The following CFAP299 variants were observed in gnomAD, a reference collection of about 807,000 sequenced individuals.
CFAP299 encodes cilia- and flagella-associated protein 299.
A neutral mutation model predicts 27.0 loss-of-function variants in CFAP299; 21 were observed. That is an observed-to-expected ratio of 0.78 (90% CI 0.55 to 1.12). The LOEUF (loss-of-function observed/expected upper bound fraction) is 1.12, where lower values mean the gene tolerates loss of function less well. Ranked by LOEUF, CFAP299 falls within the 50% of genes most tolerant of loss-of-function variation. CFAP299 has a pLI of 0.00. For synonymous variants in CFAP299, 104 were observed against 98.1 expected (o/e 1.06, Z -0.36); for missense variants, 310 against 276.6 (o/e 1.12, Z -0.86).
intron 5 of CFAP299, among the ~76,000 whole-genome samples, chr4:80,960,804 A>G (rs946837526): frequency 1.6e-4 from 24 of 151,986 alleles, no homozygotes; most frequent in African/African-American, 5.5e-4. Context: ...TTAAAAGATG[A>G]GCAAAGTTTA....
rs551311909 is a variant in CFAP299 at position 80,390,821 on chromosome 4, A to ATG, written c.242+27939_242+27940dup. Among the ~76,000 whole-genome samples, 210 of 129,892 alleles carry ATG rather than the reference A, an allele frequency of 1.6e-3. 2 individuals carry two copies. Among genetic ancestry groups the ATG allele is most frequent in the East Asian group, 2.9e-3 (8 of 2,772 alleles). The allele number at this position is 129,892 out of a possible 152,430, so 85.2% of individuals were successfully genotyped here. Reference sequence around the variant, plus strand: ...TATGTATATATGTATACACACATATATGTATATGTATATATGTATATACAC... The same window carrying ATG: ...TATGTATATATGTATACACACATATATGTGTATATGTATATATGTATATACAC... On this transcript the variant is annotated intron_variant, in intron 2 of 5. Transcript: ENST00000358105.
intron 3 of CFAP299, among the ~76,000 whole-genome samples, chr4:80,703,355 G>T (rs75353399): frequency 0.074 from 11,183 of 151,596 alleles, 596 homozygotes; most frequent in East Asian, 0.22. Context: ...TTATCGAAAT[G>T]ACACTGATAA....
rs548036142 is a variant in CFAP299, at chr4:80,397,271, T to G, written c.242+34387T>G. 2.6e-5 allele frequency among the ~76,000 whole-genome samples: 4 copies of G among 152,284 alleles called. No individual in the cohort carries two copies. In the South Asian group the frequency reaches 6.2e-4, roughly 24 times the overall value. On this transcript the variant is annotated intron_variant, in intron 2 of 5. Transcript: ENST00000358105. Reference sequence around the variant, plus strand: ...TTGCATGTATTTGATTCTTCTCTCTTTTCTTCTTTATTGGTCTTGCTAGCG... The same window carrying G: ...TTGCATGTATTTGATTCTTCTCTCTGTTCTTCTTTATTGGTCTTGCTAGCG...
chr4:80,575,330 AT>A (rs1198785280), intron 2 of CFAP299, among the ~76,000 whole-genome samples: 148 of 145,828 alleles, frequency 1.0e-3, no homozygotes, highest in Middle Eastern at 3.5e-3. Context: ...CTTTCATTAA[AT>A]TTTTTTTTTT....
rs1719519113 is a variant in CFAP299, at chr4:80,677,215, T to C, written c.333+94032T>C. 2.6e-5 allele frequency among the ~76,000 whole-genome samples: 4 copies of C among 152,120 alleles called. No homozygotes were observed. In the South Asian group the frequency reaches 8.3e-4, roughly 31 times the overall value. On this transcript the variant is annotated intron_variant, in intron 3 of 5. Transcript: ENST00000358105. Reference sequence around the variant, plus strand: ...ATTTCTTCATTCACCCGTTGGTCATTGAAGAGCATGTTGTTTGATTTCCAT... The same window carrying C: ...ATTTCTTCATTCACCCGTTGGTCATCGAAGAGCATGTTGTTTGATTTCCAT...
chr4:80,436,143 C>T (rs1728060015), intron 2 of CFAP299, among the ~76,000 whole-genome samples: 1 of 152,104 alleles, frequency 6.6e-6, no homozygotes, highest in African/African-American at 2.4e-5. Flanking sequence ...TCCATTCTCT[C>T]CTGCTTTCAC....
At chr4:80,509,080 G>C (rs1319002903) in intron 2 of CFAP299, among the ~76,000 whole-genome samples, 1 of 152,074 alleles carries the variant, frequency 6.6e-6, no homozygotes, top group Non-Finnish European at 1.5e-5. Flanking sequence ...TGCTGGTCTT[G>C]GTTACTAATG....
chr4:80,377,668 A>C (rs1214597572), intron 2 of CFAP299, among the ~76,000 whole-genome samples: 1 of 152,188 alleles, frequency 6.6e-6, no homozygotes, highest in Non-Finnish European at 1.5e-5. Context: ...GATTTTGCTA[A>C]AATAGTTATC....
intron 1 of CFAP299, among the ~76,000 whole-genome samples, chr4:80,345,936 G>GT (rs1473540630): frequency 6.6e-6 from 1 of 151,994 alleles, no homozygotes; most frequent in African/African-American, 2.4e-5. Flanking sequence ...TCCAGCATCT[G>GT]TTTTTTCCTG....
At chr4:80,326,676 T>C in the CFAP299 span, among the ~76,000 whole-genome samples, 1 of 152,204 alleles carries the variant, frequency 6.6e-6, no homozygotes, top group African/African-American at 2.4e-5. Flanking sequence ...TGCTTTGTTA[T>C]GGGTATCAGT....
At chr4:80,763,201 A>G (rs2110078993) in intron 3 of CFAP299, among the ~76,000 whole-genome samples, 1 of 152,298 alleles carries the variant, frequency 6.6e-6, no homozygotes, top group South Asian at 2.1e-4. Flanking sequence ...ATATTTAGAA[A>G]ACCCGATTGT....
intron 3 of CFAP299, among the ~76,000 whole-genome samples, chr4:80,800,571 A>G (rs551967077): frequency 1.5e-5 from 1 of 65,214 alleles, no homozygotes; most frequent in Non-Finnish European, 2.6e-5. Context: ...ATAATATATT[A>G]ATATAAATAT....
chr4:80,408,817 A>G (rs1726560469), intron 2 of CFAP299, among the ~76,000 whole-genome samples: 1 of 82,746 alleles, frequency 1.2e-5, no homozygotes, highest in African/African-American at 3.7e-5. Flanking sequence ...TTTTTAGAAC[A>G]AAAACATAAC....
chr4:80,703,980 T>G (rs1457776470), intron 3 of CFAP299, among the ~76,000 whole-genome samples: 1 of 151,680 alleles, frequency 6.6e-6, no homozygotes, highest in Non-Finnish European at 1.5e-5. Flanking sequence ...TGAGAAGCCT[T>G]AGGGATGATT....
chr4:80,889,332 A>T (rs1734130964), intron 4 of CFAP299, among the ~76,000 whole-genome samples: 2 of 152,062 alleles, frequency 1.3e-5, no homozygotes, highest in South Asian at 4.1e-4. Context: ...AAGGAACATT[A>T]GTGGCTACTA....
intron 3 of CFAP299, among the ~76,000 whole-genome samples, chr4:80,616,640 TG>T (rs1041757634): frequency 6.6e-6 from 1 of 152,010 alleles, no homozygotes; most frequent in African/African-American, 2.4e-5. Flanking sequence ...CGTGCTTTCC[TG>T]GGGGGCCCTA....
At chr4:80,578,412 A>AT (rs1276831055) in intron 2 of CFAP299, among the ~76,000 whole-genome samples, 1 of 151,998 alleles carries the variant, frequency 6.6e-6, no homozygotes, top group Admixed American at 6.6e-5. Flanking sequence ...ATTATGTAAC[A>AT]TTTTTTTCTC....
chr4:80,335,887 C>T lies in CFAP299; in HGVS notation c.111+8C>T. On this transcript the variant is annotated splice_region_variant and intron_variant, in intron 1 of 5. Coordinates refer to ENST00000358105, the MANE Select transcript of CFAP299 (RefSeq NM_152770.3). ...GACTTGTACTACCTGGAGGTAAGGG[C>T]GGAGCGCGGCAGAGTAGCCGCCGCC... 6.4e-7 allele frequency: 1 copy of T among 1,564,836 alleles called. No homozygotes were observed. The highest frequency in any genetic ancestry group is 8.8e-7 in the Non-Finnish European group (1 of 1,135,244).
intron 3 of CFAP299, among the ~76,000 whole-genome samples, chr4:80,809,432 C>A (rs1729028335): frequency 6.6e-6 from 1 of 152,170 alleles, no homozygotes; most frequent in Admixed American, 6.6e-5. Flanking sequence ...TATACTTTTT[C>A]TTAATGGCTT....
Sources: gnomAD v4.1 joint callset for allele counts (sites outside exome capture counted in the v4.1 genomes callset) on GRCh38, gnomAD v4.1.1 for gene constraint, MANE v1.5 for transcripts, NCBI Gene and HGNC (gene_info 2026-07-23, HGNC 2026-07-21) for gene names.